The following NRG1 variants were observed in gnomAD, a reference collection of about 807,000 sequenced individuals.
The protein encoded by NRG1 is neuregulin 1.
NRG1 carries 18 observed loss-of-function variants against 63.8 expected under a neutral mutation model. That is an observed-to-expected ratio of 0.28 (90% CI 0.19 to 0.42). The LOEUF (loss-of-function observed/expected upper bound fraction) is 0.42, where lower values mean the gene tolerates loss of function less well. Ranked by LOEUF, NRG1 falls within the 10% of genes least tolerant of loss-of-function variation. The pLI is 1.00. For synonymous variants in NRG1, 302 were observed against 301.3 expected (o/e 1.00, Z -0.02); for missense variants, 762 against 814.7 (o/e 0.94, Z 0.79).
chr8:32,761,403 G>A (rs888805457), intron 11 of NRG1, among the ~76,000 whole-genome samples: 3 of 152,002 alleles, frequency 2.0e-5, no homozygotes, highest in Non-Finnish European at 4.4e-5. Context: ...TTCCACTCTT[G>A]GACTGGGAAG....
At chr8:32,081,266 G>A (rs185789696) in intron 1 of NRG1, among the ~76,000 whole-genome samples, 28 of 152,248 alleles carry the variant, frequency 1.8e-4, no homozygotes, top group South Asian at 8.3e-4. Context: ...ACATTCTGAG[G>A]AACTGGTGGT....
intron 5 of NRG1, among the ~76,000 whole-genome samples, chr8:32,685,534 T>C (rs762117024): frequency 2.0e-5 from 3 of 152,248 alleles, no homozygotes; most frequent in Non-Finnish European, 4.4e-5. Context: ...CTCCCTCATC[T>C]TCCATTGAGG....
intron 5 of NRG1, among the ~76,000 whole-genome samples, chr8:32,713,231 C>T (rs1818257795): frequency 1.3e-5 from 2 of 152,064 alleles, no homozygotes; most frequent in African/African-American, 4.8e-5. Context: ...CTCCAGCTTC[C>T]CATCAGGATT....
At chr8:32,066,061 A>T (rs1213007619) in intron 1 of NRG1, among the ~76,000 whole-genome samples, 1 of 152,076 alleles carries the variant, frequency 6.6e-6, no homozygotes, top group African/African-American at 2.4e-5. Context: ...AATTTGTTTG[A>T]GTTCATTGTA....
chr8:31,992,472 G>T (rs1223365313), intron 1 of NRG1, among the ~76,000 whole-genome samples: 6 of 151,928 alleles, frequency 3.9e-5, no homozygotes, highest in Admixed American at 6.6e-5. Flanking sequence ...AGCTTTTGAT[G>T]TTAAAACTAG....
At chr8:32,723,779 G>C (rs961967751) in intron 5 of NRG1, among the ~76,000 whole-genome samples, 2 of 148,764 alleles carry the variant, frequency 1.3e-5, no homozygotes, top group African/African-American at 4.9e-5. Context: ...AAGAAGGAAG[G>C]AAGGAAAGAA....
intron 1 of NRG1, among the ~76,000 whole-genome samples, chr8:32,008,789 T>C (rs986407135): frequency 6.6e-6 from 1 of 152,090 alleles, no homozygotes; most frequent in African/African-American, 2.4e-5. Flanking sequence ...TCTTTTCTCT[T>C]TCTGTGACTC....
At chr8:32,700,974 T>C (rs2128959489) in intron 5 of NRG1, among the ~76,000 whole-genome samples, 1 of 152,240 alleles carries the variant, frequency 6.6e-6, no homozygotes, top group African/African-American at 2.4e-5. Context: ...CCTCTGCATG[T>C]CTTAACCCAA....
intron 1 of NRG1, chr8:32,061,908 A>T (rs1823940566): frequency 6.6e-6 from 1 of 152,074 alleles, no homozygotes; most frequent in Non-Finnish European, 1.5e-5. Context: ...TAAAAATAAA[A>T]CCTAACCAAA....
intron 1 of NRG1, among the ~76,000 whole-genome samples, chr8:32,398,003 A>G (rs1026636542): frequency 2.0e-5 from 3 of 152,188 alleles, no homozygotes; most frequent in Non-Finnish European, 2.9e-5. Flanking sequence ...AAAAAAATCT[A>G]TTCTGTGAAG....
intron 1 of NRG1, among the ~76,000 whole-genome samples, chr8:32,511,367 GTATATATATATATATATA>G (rs202038797): frequency 8.2e-6 from 1 of 122,078 alleles, no homozygotes; most frequent in African/African-American, 3.1e-5. Context: ...ATATATATGT[GTATATATATATATATATA>G]TATATATATA....
intron 1 of NRG1, among the ~76,000 whole-genome samples, chr8:32,353,299 A>C (rs975486558): frequency 1.3e-5 from 2 of 150,772 alleles, no homozygotes; most frequent in Non-Finnish European, 3.0e-5. Flanking sequence ...AAATAATAAT[A>C]AATAAGAAAA....
intron 1 of NRG1, among the ~76,000 whole-genome samples, chr8:32,149,080 C>T (rs1267205402): frequency 6.6e-6 from 1 of 152,144 alleles, no homozygotes; most frequent in Non-Finnish European, 1.5e-5. Context: ...CAAGCAACAC[C>T]ATGAACCTCA....
At chr8:32,663,794 C>T (rs2128879264) in intron 5 of NRG1, among the ~76,000 whole-genome samples, 1 of 152,250 alleles carries the variant, frequency 6.6e-6, no homozygotes. Flanking sequence ...TCACATATTC[C>T]TGCAAATACC....
intron 1 of NRG1, among the ~76,000 whole-genome samples, chr8:31,678,314 A>G (rs1332978669): frequency 6.6e-6 from 1 of 152,124 alleles, no homozygotes; most frequent in Admixed American, 6.6e-5. Flanking sequence ...TCACAGTAGC[A>G]TTTGAAACAC....
At chr8:32,194,725 A>G (rs955207057) in intron 1 of NRG1, among the ~76,000 whole-genome samples, 1 of 152,158 alleles carries the variant, frequency 6.6e-6, no homozygotes, top group East Asian at 1.9e-4. Context: ...AGTGAGACCA[A>G]TGGAAACCAT....
At chr8:32,209,562 A>G (rs755453464) in intron 1 of NRG1, among the ~76,000 whole-genome samples, 3 of 152,252 alleles carry the variant, frequency 2.0e-5, no homozygotes, top group Non-Finnish European at 4.4e-5. Flanking sequence ...AAATAAGCAT[A>G]GAAGAGGGTT....
chr8:31,687,646 G>A (rs1286267441), intron 1 of NRG1, among the ~76,000 whole-genome samples: 2 of 152,196 alleles, frequency 1.3e-5, no homozygotes, highest in Admixed American at 6.5e-5. Flanking sequence ...CTCTGATACA[G>A]GGCTTAGAGT....
At chr8:32,433,251 A>T (rs1295701693) in intron 1 of NRG1, among the ~76,000 whole-genome samples, 1 of 152,194 alleles carries the variant, frequency 6.6e-6, no homozygotes, top group Non-Finnish European at 1.5e-5. Context: ...TCAGAATGAA[A>T]GAGAAATGCA....
Sources: gnomAD v4.1 joint callset for allele counts (sites outside exome capture counted in the v4.1 genomes callset) on GRCh38, gnomAD v4.1.1 for gene constraint, MANE v1.5 for transcripts, NCBI Gene and HGNC (gene_info 2026-07-23, HGNC 2026-07-21) for gene names.